PIK3C2G: variants seen among roughly 807,000 people sequenced by gnomAD.
PIK3C2G encodes the protein phosphatidylinositol-4-phosphate 3-kinase catalytic subunit type 2 gamma, also known as phosphatidylinositol 3-kinase C2 domain-containing subunit gamma.
A neutral mutation model predicts 181.1 loss-of-function variants in PIK3C2G; 168 were observed. The ratio of observed to expected loss-of-function variants is 0.93; its 90% CI spans 0.82 to 1.05. The LOEUF (loss-of-function observed/expected upper bound fraction) is 1.05, where lower values mean the gene tolerates loss of function less well. PIK3C2G is among the 50% of genes least tolerant of loss of function. The pLI, the probability that PIK3C2G is intolerant of heterozygous loss-of-function variation, is 0.00. For synonymous variants in PIK3C2G, 573 were observed against 592.2 expected (o/e 0.97, Z 0.47); for missense variants, 1,869 against 1,732.8 (o/e 1.08, Z -1.40).
chr12:18,556,345 C>T (rs1158936665), intron 26 of PIK3C2G, among the ~76,000 whole-genome samples: 2 of 152,212 alleles, frequency 1.3e-5, no homozygotes, highest in East Asian at 3.9e-4. Flanking sequence ...TTGTCTGACC[C>T]GTTAAGTCTG....
intron 5 of PIK3C2G, among the ~76,000 whole-genome samples, chr12:18,313,693 T>C (rs181703102): frequency 6.6e-6 from 1 of 152,134 alleles, no homozygotes; most frequent in Non-Finnish European, 1.5e-5. Flanking sequence ...TTAATCATTT[T>C]CTAACTTATT....
chr12:18,419,930 A>C (rs1342458665), intron 16 of PIK3C2G, among the ~76,000 whole-genome samples: 1 of 152,080 alleles, frequency 6.6e-6, no homozygotes, highest in Non-Finnish European at 1.5e-5. Flanking sequence ...ACCATTAAAG[A>C]CTTTACAGTT....
chr12:18,645,643 A>G (rs16914359), intron 32 of PIK3C2G, among the ~76,000 whole-genome samples: 14,498 of 152,180 alleles, frequency 0.095, 737 homozygotes, highest in Middle Eastern at 0.19. Flanking sequence ...TTTTTCAGCT[A>G]TAATTTACTG....
intron 12 of PIK3C2G, among the ~76,000 whole-genome samples, chr12:18,367,640 C>T (rs573161422): frequency 1.7e-4 from 26 of 150,934 alleles, no homozygotes; most frequent in East Asian, 1.4e-3. Context: ...CTGCAACCTC[C>T]GCCTCCCGGG....
intron 18 of PIK3C2G, among the ~76,000 whole-genome samples, chr12:18,475,797 T>G (rs1385800883): frequency 6.6e-6 from 1 of 152,130 alleles, no homozygotes; most frequent in East Asian, 1.9e-4. Flanking sequence ...CTAAAGGAAA[T>G]ACCATGTGAA....
intron 8 of PIK3C2G, among the ~76,000 whole-genome samples, chr12:18,333,205 G>C (rs1345616020): frequency 6.6e-6 from 1 of 151,922 alleles, no homozygotes; most frequent in Non-Finnish European, 1.5e-5. Context: ...ATCTCAGCGG[G>C]GTTCAGAAAA....
chr12:18,620,794 C>T (rs1294741055), intron 31 of PIK3C2G, among the ~76,000 whole-genome samples: 1 of 152,020 alleles, frequency 6.6e-6, no homozygotes, highest in Admixed American at 6.6e-5. Flanking sequence ...TTCATCATTC[C>T]AGTCCCTCTT....
chr12:18,307,997 CAA>C (rs1950489704), intron 5 of PIK3C2G, among the ~76,000 whole-genome samples: 1 of 151,742 alleles, frequency 6.6e-6, no homozygotes, highest in South Asian at 2.1e-4. Context: ...TTTAATATGA[CAA>C]GTCTTGAAAA....
the PIK3C2G span, among the ~76,000 whole-genome samples, chr12:18,708,741 A>T: frequency 2.0e-5 from 3 of 152,032 alleles, no homozygotes; most frequent in African/African-American, 4.8e-5. Context: ...AGTGGTTTTG[A>T]TTTGCATTTC....
chr12:18,436,572 C>T (rs1405297226), intron 18 of PIK3C2G, among the ~76,000 whole-genome samples: 2 of 151,932 alleles, frequency 1.3e-5, no homozygotes, highest in Admixed American at 6.6e-5. Context: ...GAACATTGCA[C>T]ACAGTATACA....
At chr12:18,512,664 T>C (rs1942284419) in intron 24 of PIK3C2G, among the ~76,000 whole-genome samples, 1 of 151,994 alleles carries the variant, frequency 6.6e-6, no homozygotes, top group African/African-American at 2.4e-5. Context: ...GCAACTTTAG[T>C]GAATTCCTTT....
At chr12:18,531,862 G>A (rs930088338) in intron 24 of PIK3C2G, among the ~76,000 whole-genome samples, 1 of 152,112 alleles carries the variant, frequency 6.6e-6, no homozygotes, top group African/African-American at 2.4e-5. Context: ...AAGTCTCTGT[G>A]AACATGTATT....
chr12:18,446,908 G>T (rs1400373026), intron 18 of PIK3C2G, among the ~76,000 whole-genome samples: 1 of 151,886 alleles, frequency 6.6e-6, no homozygotes, highest in Non-Finnish European at 1.5e-5. Flanking sequence ...TAGGCATCTC[G>T]CTATTTAATG....
At chr12:18,364,286 A>G (rs1218982485) in intron 12 of PIK3C2G, among the ~76,000 whole-genome samples, 1 of 152,214 alleles carries the variant, frequency 6.6e-6, no homozygotes, top group Non-Finnish European at 1.5e-5. Flanking sequence ...TCCATGTGTC[A>G]GGAACACAGT....
intron 29 of PIK3C2G, among the ~76,000 whole-genome samples, chr12:18,584,675 A>T (rs538143937): frequency 6.6e-6 from 1 of 152,328 alleles, no homozygotes; most frequent in East Asian, 1.9e-4. Flanking sequence ...AAACAATAAA[A>T]CTCAGTAAAT....
chr12:18,696,851 C>T, the PIK3C2G span, among the ~76,000 whole-genome samples: 1 of 152,078 alleles, frequency 6.6e-6, no homozygotes, highest in Non-Finnish European at 1.5e-5. Flanking sequence ...TTACATGTCT[C>T]CATTGAAAAA....
the PIK3C2G span, among the ~76,000 whole-genome samples, chr12:18,708,090 A>G: frequency 1.3e-5 from 2 of 152,228 alleles, no homozygotes; most frequent in Admixed American, 1.3e-4. Context: ...TAATCCTCAT[A>G]TGATACATTA....
At chr12:18,270,932 G>T (rs1185091900) in intron 1 of PIK3C2G, among the ~76,000 whole-genome samples, 1 of 152,024 alleles carries the variant, frequency 6.6e-6, no homozygotes, top group African/African-American at 2.4e-5. Flanking sequence ...ATATACAGTG[G>T]GACACATTCT....
intron 5 of PIK3C2G, among the ~76,000 whole-genome samples, chr12:18,301,253 A>C (rs1341339164): frequency 6.6e-6 from 1 of 152,184 alleles, no homozygotes; most frequent in African/African-American, 2.4e-5. Flanking sequence ...CTAAATCCCT[A>C]GCAAAACTTG....
Sources: allele counts gnomAD v4.1 joint callset (sites outside exome capture counted in the v4.1 genomes callset), GRCh38; gene constraint gnomAD v4.1.1; transcripts MANE v1.5; gene names NCBI Gene and HGNC (gene_info 2026-07-23, HGNC 2026-07-21).